The following KHDRBS2 variants were observed in gnomAD, a reference collection of about 807,000 sequenced individuals.
KHDRBS2 encodes KH RNA binding domain containing, signal transduction associated 2.
A neutral mutation model predicts 44.3 loss-of-function variants in KHDRBS2; 26 were observed. That is an observed-to-expected ratio of 0.59 (90% CI 0.43 to 0.81). The LOEUF (loss-of-function observed/expected upper bound fraction) is 0.81, where lower values mean the gene tolerates loss of function less well. Among genes scored for constraint, KHDRBS2 ranks in the 40% least tolerant of loss-of-function variants. The pLI, the probability that KHDRBS2 is intolerant of heterozygous loss-of-function variation, is 0.00. For missense variants in KHDRBS2, 476 were observed against 433.1 expected (o/e 1.10, Z -0.88); for synonymous variants, 194 against 151.1 (o/e 1.28, Z -2.08).
chr6:61,626,387 T>A, the KHDRBS2 span, among the ~76,000 whole-genome samples: 2 of 152,184 alleles, frequency 1.3e-5, no homozygotes, highest in Non-Finnish European at 2.9e-5. Flanking sequence ...TTCTGTGACA[T>A]TGAATTAAAA....
At chr6:62,138,717 C>G (rs1383716779) in intron 2 of KHDRBS2, among the ~76,000 whole-genome samples, 2 of 152,034 alleles carry the variant, frequency 1.3e-5, no homozygotes, top group African/African-American at 4.8e-5. Flanking sequence ...AATTTATGAA[C>G]CCATTATACT....
chr6:61,608,433 C>A, the KHDRBS2 span, among the ~76,000 whole-genome samples: 2 of 151,216 alleles, frequency 1.3e-5, no homozygotes, highest in Non-Finnish European at 2.9e-5. Context: ...AATTTTTTTT[C>A]TTTTTTTCTT....
chr6:61,656,516 G>A, the KHDRBS2 span, among the ~76,000 whole-genome samples: 29,288 of 151,908 alleles, frequency 0.19, 2,975 homozygotes, highest in African/African-American at 0.23. Context: ...TTACAGAGAC[G>A]TATATTTATA....
chr6:61,604,335 A>G, the KHDRBS2 span, among the ~76,000 whole-genome samples: 1 of 147,768 alleles, frequency 6.8e-6, no homozygotes, highest in Non-Finnish European at 1.5e-5. Context: ...CTGATAAGGT[A>G]GCTAAGAAAA....
chr6:61,654,976 T>C, the KHDRBS2 span, among the ~76,000 whole-genome samples: 1 of 151,826 alleles, frequency 6.6e-6, no homozygotes, highest in South Asian at 2.1e-4. Flanking sequence ...CAAATCCTCA[T>C]TGGCAGAAGC....
intron 6 of KHDRBS2, among the ~76,000 whole-genome samples, chr6:61,870,434 C>G (rs1798498167): frequency 6.6e-6 from 1 of 152,198 alleles, no homozygotes; most frequent in African/African-American, 2.4e-5. Context: ...TGGGACAGAG[C>G]ACCTGGGGGA....
chr6:61,559,438 G>A, the KHDRBS2 span, among the ~76,000 whole-genome samples: 1,297 of 151,360 alleles, frequency 8.6e-3, 22 homozygotes, highest in African/African-American at 0.029. Flanking sequence ...TAATAAGGTA[G>A]GACCTACACC....
chr6:61,612,839 CTTTTTTTTTTTTTTT>C, the KHDRBS2 span, among the ~76,000 whole-genome samples: 1 of 77,414 alleles, frequency 1.3e-5, no homozygotes, highest in Non-Finnish European at 2.3e-5. Flanking sequence ...AAAATGCAGC[CTTTTTTTTTTTTTTT>C]TTTTTTTTTT....
At chr6:61,939,300 C>T (rs540578910) in intron 4 of KHDRBS2, among the ~76,000 whole-genome samples, 1 of 152,122 alleles carries the variant, frequency 6.6e-6, no homozygotes, top group South Asian at 2.1e-4. Flanking sequence ...TTAAACAATC[C>T]ACTGTAACCT....
chr6:62,097,272 C>A (rs1369780286), intron 2 of KHDRBS2, among the ~76,000 whole-genome samples: 1 of 151,862 alleles, frequency 6.6e-6, no homozygotes, highest in Non-Finnish European at 1.5e-5. Context: ...TTTAACTCCA[C>A]TGTGTCTCTG....
chr6:61,563,628 T>C, the KHDRBS2 span, among the ~76,000 whole-genome samples: 1 of 152,102 alleles, frequency 6.6e-6, no homozygotes, highest in Non-Finnish European at 1.5e-5. Flanking sequence ...TATGGATTTA[T>C]AGGAATCAAG....
intron 6 of KHDRBS2, among the ~76,000 whole-genome samples, chr6:61,766,321 T>C (rs1441045769): frequency 2.6e-5 from 4 of 152,104 alleles, no homozygotes; most frequent in Non-Finnish European, 4.4e-5. Flanking sequence ...TCAGTTGTAA[T>C]GTGTCCTTTT....
intron 4 of KHDRBS2, among the ~76,000 whole-genome samples, chr6:61,940,855 T>G (rs1203723063): frequency 6.6e-6 from 1 of 152,200 alleles, no homozygotes; most frequent in Non-Finnish European, 1.5e-5. Context: ...TGCCAGCTAC[T>G]GCAGCAGGGC....
At chr6:61,563,693 C>A in the KHDRBS2 span, among the ~76,000 whole-genome samples, 3 of 151,990 alleles carry the variant, frequency 2.0e-5, no homozygotes, top group Non-Finnish European at 4.4e-5. Flanking sequence ...TTTTATCAGT[C>A]CTGTAGTTGC....
chr6:62,067,812 A>G (rs907384178), intron 2 of KHDRBS2, among the ~76,000 whole-genome samples: 3 of 151,564 alleles, frequency 2.0e-5, no homozygotes, highest in Admixed American at 6.6e-5. Flanking sequence ...TAGACTGCAC[A>G]TTTTATTTAA....
intron 6 of KHDRBS2, among the ~76,000 whole-genome samples, chr6:61,775,457 A>T (rs1215361351): frequency 6.6e-6 from 1 of 152,176 alleles, no homozygotes; most frequent in Non-Finnish European, 1.5e-5. Context: ...AGGATACAAA[A>T]ATCAATGTAC....
chr6:61,933,858 T>C (rs1215558642), intron 4 of KHDRBS2, among the ~76,000 whole-genome samples: 1 of 152,124 alleles, frequency 6.6e-6, no homozygotes, highest in Non-Finnish European at 1.5e-5. Flanking sequence ...TATTTTTAAG[T>C]TTTTAAGGAC....
the KHDRBS2 span, among the ~76,000 whole-genome samples, chr6:61,590,087 G>T: frequency 1.3e-5 from 2 of 152,062 alleles, no homozygotes; most frequent in Admixed American, 6.6e-5. Context: ...AGATGAGGAA[G>T]CTCAATAGTT....
At chr6:61,834,264 A>G (rs1331109352) in intron 6 of KHDRBS2, among the ~76,000 whole-genome samples, 2 of 152,032 alleles carry the variant, frequency 1.3e-5, no homozygotes, top group African/African-American at 4.8e-5. Context: ...TTGGCACCTC[A>G]TTTTTGGAAC....
Sources: gnomAD v4.1 joint callset for allele counts (sites outside exome capture counted in the v4.1 genomes callset) on GRCh38, gnomAD v4.1.1 for gene constraint, MANE v1.5 for transcripts, NCBI Gene and HGNC (gene_info 2026-07-23, HGNC 2026-07-21) for gene names.